Variants in ENPEP observed in about 807,000 individuals in gnomAD.
ENPEP encodes the protein glutamyl aminopeptidase, also known as AP-A.
In ENPEP, 103 loss-of-function variants were observed where a neutral mutation model predicts 114.5. That is an observed-to-expected ratio of 0.90 (90% CI 0.77 to 1.06). The LOEUF (loss-of-function observed/expected upper bound fraction) is 1.06, where lower values mean the gene tolerates loss of function less well. Among genes scored for constraint, ENPEP ranks in the 50% least tolerant of loss-of-function variants. ENPEP has a pLI of 0.00. For synonymous variants in ENPEP, 420 were observed against 422.0 expected (o/e 1.00, Z 0.06); for missense variants, 1,196 against 1,161.3 (o/e 1.03, Z -0.43).
chr4:110,530,944 T>G (rs1263978138), intron 10 of ENPEP, among the ~76,000 whole-genome samples: 1 of 152,206 alleles, frequency 6.6e-6, no homozygotes, highest in African/African-American at 2.4e-5. Flanking sequence ...AGCATGTTAT[T>G]GAAATAATCT....
At chr4:110,486,017 T>C (rs1421746417) in intron 1 of ENPEP, among the ~76,000 whole-genome samples, 2 of 152,208 alleles carry the variant, frequency 1.3e-5, no homozygotes, top group Non-Finnish European at 2.9e-5. Flanking sequence ...AGGGAGTTTT[T>C]GAAACCTTGC....
At chr4:110,490,652 C>T (rs1240762135) in intron 2 of ENPEP, among the ~76,000 whole-genome samples, 1 of 152,152 alleles carries the variant, frequency 6.6e-6, no homozygotes, top group Non-Finnish European at 1.5e-5. Context: ...CAGCAATTGC[C>T]CTACTGCCAG....
At position 110,543,001 on chromosome 4, in the gene ENPEP, C is replaced by T; in HGVS notation, c.1945-14C>T. 6.2e-7 allele frequency: 1 copy of T among 1,612,886 alleles called. No homozygotes were observed. The highest frequency in any genetic ancestry group is 8.5e-7 in the Non-Finnish European group (1 of 1,179,256). Reference sequence around the variant, plus strand: ...AAGAATTGTGTTTTTATCTCTCTTTCTCCCTCTTCCCAGACATTTTCTTCA... The same window carrying T: ...AAGAATTGTGTTTTTATCTCTCTTTTTCCCTCTTCCCAGACATTTTCTTCA... On this transcript the variant is annotated splice_polypyrimidine_tract_variant and intron_variant, in intron 12 of 19. Transcript: ENST00000265162.
At chr4:110,499,499 A>G (rs185706752) in intron 3 of ENPEP, among the ~76,000 whole-genome samples, 1 of 152,354 alleles carries the variant, frequency 6.6e-6, no homozygotes, top group African/African-American at 2.4e-5. Flanking sequence ...CTCTAAAATT[A>G]TAAATAGAGG....
rs568747918 is a variant in ENPEP, at chr4:110,564,959, A to G, written c.*3401A>G. On this transcript the variant is annotated 3_prime_UTR_variant, in exon 20 of 20. Transcript: ENST00000265162. ...CCAGCACAGAGTACACATGTGCTGT[A>G]AATGAGAAATACCCCTTTGTTATTG... The G allele has an allele frequency of 6.6e-6, 1 of 152,348 alleles. No homozygotes were observed. The highest frequency in any genetic ancestry group is 1.9e-4 in the East Asian group (1 of 5,186). 9.4% of individuals were successfully genotyped at this position (152,348 alleles called of 1,614,324 possible).
rs1203370426 is a variant in ENPEP, at chr4:110,553,469, A to T, written c.2642+14A>T. The T allele has an allele frequency of 6.2e-7, 1 of 1,602,430 alleles. No homozygotes were observed. Among genetic ancestry groups the T allele is most frequent in the Non-Finnish European group, 8.5e-7 (1 of 1,172,720 alleles). ...TCTAGTCAACAGGTGGGATGATCTG[A>T]TGATGGTCTGCTGTTTTCTTTGTTT... On this transcript the variant is annotated intron_variant, in intron 18 of 19. Transcript: ENST00000265162.
intron 4 of ENPEP, among the ~76,000 whole-genome samples, chr4:110,508,184 G>C (rs1197456114): frequency 6.8e-6 from 1 of 146,278 alleles, no homozygotes; most frequent in East Asian, 2.0e-4. Flanking sequence ...TTATATCTTA[G>C]ACTCCTTAGA....
intron 11 of ENPEP, among the ~76,000 whole-genome samples, chr4:110,531,511 C>T (rs1055100264): frequency 3.9e-5 from 6 of 152,042 alleles, no homozygotes; most frequent in African/African-American, 1.4e-4. Flanking sequence ...TACCCATATC[C>T]AAAGGAGAAG....
At chr4:110,479,115 C>T (rs1222836103) in intron 1 of ENPEP, among the ~76,000 whole-genome samples, 2 of 152,152 alleles carry the variant, frequency 1.3e-5, no homozygotes, top group Non-Finnish European at 2.9e-5. Flanking sequence ...AACATTTAGG[C>T]AGAGACTCTT....
At chr4:110,483,022 A>T (rs922621324) in intron 1 of ENPEP, among the ~76,000 whole-genome samples, 2 of 152,208 alleles carry the variant, frequency 1.3e-5, no homozygotes, top group African/African-American at 4.8e-5. Flanking sequence ...CAAACAAAAA[A>T]AGAATACATT....
chr4:110,513,485 T>G lies in ENPEP; in HGVS notation c.1379T>G (p.Ile460Ser). ...GATTCTTTGATGTCTTCGCATCCAATTATTGTGACTGTGACAACCCCTGAT... is the reference window on the plus strand; with the variant it reads ...GATTCTTTGATGTCTTCGCATCCAAGTATTGTGACTGTGACAACCCCTGAT... ...EDDSLMSSHPIIVTVTTPDEI... is the reference protein window; with the variant it reads ...EDDSLMSSHPSIVTVTTPDEI... The change falls in exon 7 of 20, where the codon ATT (isoleucine) becomes AGT (serine). Residue 460 changes from isoleucine (I) to serine (S), a missense_variant. Physicochemically the swap from Ile to Ser is moderately radical, Grantham distance 142. Coordinates refer to ENST00000265162, the MANE Select transcript of ENPEP (RefSeq NM_001977.4). 1 of 1,613,594 alleles carries G rather than the reference T, an allele frequency of 6.2e-7. No homozygotes were observed.
intron 13 of ENPEP, among the ~76,000 whole-genome samples, chr4:110,547,794 C>T (rs560759029): frequency 5.9e-5 from 9 of 152,066 alleles, no homozygotes; most frequent in Middle Eastern, 6.8e-3. Flanking sequence ...CAACAAAATA[C>T]ATTTATAGTA....
intron 1 of ENPEP, among the ~76,000 whole-genome samples, chr4:110,485,412 C>A (rs1273304935): frequency 6.6e-6 from 1 of 152,174 alleles, no homozygotes; most frequent in Admixed American, 6.5e-5. Context: ...ACCCCTTCCC[C>A]TTCCTTTCCA....
intron 10 of ENPEP, among the ~76,000 whole-genome samples, chr4:110,526,828 G>A (rs1264203369): frequency 6.6e-6 from 1 of 152,180 alleles, no homozygotes; most frequent in African/African-American, 2.4e-5. Flanking sequence ...GGGCTAGGTA[G>A]GAGTGGCTGT....
chr4:110,529,372 G>A (rs1386437702), intron 10 of ENPEP, among the ~76,000 whole-genome samples: 1 of 152,186 alleles, frequency 6.6e-6, no homozygotes, highest in Admixed American at 6.5e-5. Context: ...AGGGCTCTTA[G>A]TTTGGTGTCC....
chr4:110,481,809 G>A (rs1322102289), intron 1 of ENPEP, among the ~76,000 whole-genome samples: 7 of 151,808 alleles, frequency 4.6e-5, no homozygotes, highest in Non-Finnish European at 1.0e-4. Context: ...AAGTACAACC[G>A]GAATTTTAGA....
Position 110,520,073 on chromosome 4 carries a change from G to A in ENPEP, c.1575G>A (p.Glu525=), listed in dbSNP as rs760065550. The part of the protein sequence containing the change: ...KTSDFWAALE[E]ASRLPVKEVM... ...CTGATTTTTGGGCAGCACTGGAAGAGGTAAGGAAGAGTATATGTCCCCAAA... is the reference window on the plus strand; with the variant it reads ...CTGATTTTTGGGCAGCACTGGAAGAAGTAAGGAAGAGTATATGTCCCCAAA... Residue 525 remains glutamate, a splice_region_variant and synonymous_variant, in exon 9 of 20, where the codon GAG becomes GAA. Coordinates refer to ENST00000265162, the MANE Select transcript of ENPEP (RefSeq NM_001977.4). The A allele has an allele frequency of 6.2e-7, 1 of 1,613,814 alleles. No individual in the cohort carries two copies. Among genetic ancestry groups the A allele is most frequent in the Non-Finnish European group, 8.5e-7 (1 of 1,179,778 alleles).
intron 10 of ENPEP, among the ~76,000 whole-genome samples, chr4:110,522,234 T>C (rs950109134): frequency 6.6e-5 from 10 of 150,996 alleles, no homozygotes; most frequent in Admixed American, 5.9e-4. Flanking sequence ...CAGGCTGGAG[T>C]GCAATGGCAG....
At chr4:110,521,758 A>G (rs1725998527) in intron 10 of ENPEP, among the ~76,000 whole-genome samples, 1 of 152,208 alleles carries the variant, frequency 6.6e-6, no homozygotes, top group Non-Finnish European at 1.5e-5. Context: ...TAATAGACCA[A>G]CTAAAAATAA....
Sources: gnomAD v4.1 joint callset for allele counts (sites outside exome capture counted in the v4.1 genomes callset) on GRCh38, gnomAD v4.1.1 for gene constraint, MANE v1.5 for transcripts, NCBI Gene and HGNC (gene_info 2026-07-23, HGNC 2026-07-21) for gene names.